The following CDKAL1 variants were observed in gnomAD, a reference collection of about 807,000 sequenced individuals.
CDKAL1 encodes CDKAL1 threonylcarbamoyladenosine tRNA methylthiotransferase.
A neutral mutation model predicts 68.2 loss-of-function variants in CDKAL1; 32 were observed. That is an observed-to-expected ratio of 0.47 (90% CI 0.35 to 0.63). The LOEUF (loss-of-function observed/expected upper bound fraction) is 0.63. CDKAL1 is among the 30% of genes least tolerant of loss of function. The pLI is 0.00. For missense variants in CDKAL1, 606 were observed against 696.7 expected, an observed-to-expected ratio of 0.87 and a Z score of 1.47; for synonymous variants, 234 against 244.3, an observed-to-expected ratio of 0.96 and a Z score of 0.39.
chr6:21,199,878 T>C (rs1025071005), intron 14 of CDKAL1, among the ~76,000 whole-genome samples: 1 of 152,276 alleles, frequency 6.6e-6, no homozygotes, highest in Admixed American at 6.5e-5. Context: ...TCTACTTTGA[T>C]GAAGCAGTGT....
intron 5 of CDKAL1, among the ~76,000 whole-genome samples, chr6:20,702,728 T>A (rs1581411352): frequency 6.6e-6 from 1 of 151,456 alleles, no homozygotes; most frequent in Non-Finnish European, 1.5e-5. Context: ...GGTCTCGGGG[T>A]TTTTATAGGC....
At chr6:20,767,998 T>A (rs1188546718) in intron 7 of CDKAL1, among the ~76,000 whole-genome samples, 3 of 152,218 alleles carry the variant, frequency 2.0e-5, no homozygotes, top group Non-Finnish European at 4.4e-5. Flanking sequence ...TATAACTAAG[T>A]ATGCACTGTA....
At chr6:20,965,409 C>G (rs1192731189) in intron 10 of CDKAL1, among the ~76,000 whole-genome samples, 1 of 95,942 alleles carries the variant, frequency 1.0e-5, no homozygotes, top group African/African-American at 4.4e-5. Flanking sequence ...CATTGAGACA[C>G]TGTATCGAGA....
At chr6:21,089,608 A>G (rs955235492) in intron 12 of CDKAL1, among the ~76,000 whole-genome samples, 2 of 152,234 alleles carry the variant, frequency 1.3e-5, no homozygotes, top group Non-Finnish European at 2.9e-5. Flanking sequence ...AATGTGAGTA[A>G]GGAGTAGCCT....
intron 9 of CDKAL1, among the ~76,000 whole-genome samples, chr6:20,889,513 T>C (rs1398127417): frequency 1.3e-5 from 2 of 152,162 alleles, no homozygotes; most frequent in Non-Finnish European, 2.9e-5. Flanking sequence ...AGGTCTAACA[T>C]GTAAGTCTTT....
chr6:20,783,890 A>G (rs1224562869), intron 8 of CDKAL1, among the ~76,000 whole-genome samples: 2 of 152,180 alleles, frequency 1.3e-5, no homozygotes, highest in Admixed American at 6.5e-5. Context: ...CAGATACAAC[A>G]TCTATGCATA....
chr6:20,790,171 C>T (rs1263583627), intron 8 of CDKAL1, among the ~76,000 whole-genome samples: 1 of 152,070 alleles, frequency 6.6e-6, no homozygotes, highest in African/African-American at 2.4e-5. Flanking sequence ...TTGAGAATCC[C>T]ATAGAAAAGC....
intron 5 of CDKAL1, among the ~76,000 whole-genome samples, chr6:20,694,379 C>T (rs1398159396): frequency 1.3e-5 from 2 of 152,002 alleles, no homozygotes; most frequent in African/African-American, 4.8e-5. Flanking sequence ...CAGTGTTCTA[C>T]TCTGGATCTA....
At chr6:20,951,656 T>A (rs6922187) in intron 9 of CDKAL1, among the ~76,000 whole-genome samples, 13,866 of 152,164 alleles carry the variant, frequency 0.091, 1,077 homozygotes, top group African/African-American at 0.22. Flanking sequence ...TGCTTTTCCT[T>A]TTACCAAAAT....
At chr6:20,689,616 G>C (rs1320851045) in intron 5 of CDKAL1, among the ~76,000 whole-genome samples, 1 of 152,154 alleles carries the variant, frequency 6.6e-6, no homozygotes, top group African/African-American at 2.4e-5. Context: ...GGGCAAAACT[G>C]TAATGTTCAT....
chr6:20,659,376 C>T (rs1361974471), intron 5 of CDKAL1, among the ~76,000 whole-genome samples: 1 of 152,100 alleles, frequency 6.6e-6, no homozygotes, highest in South Asian at 2.1e-4. Flanking sequence ...ATGTTAGTGG[C>T]AGATTCAGTG....
At chr6:20,608,117 TAGAAGTTTACTGAGGAA>T (rs530845762) in intron 4 of CDKAL1, among the ~76,000 whole-genome samples, 1 of 152,356 alleles carries the variant, frequency 6.6e-6, no homozygotes, top group South Asian at 2.1e-4. Flanking sequence ...TTTGGGTACA[TAGAAGTTTACTGAGGAA>T]AGAAGTTTAG....
At chr6:20,571,929 T>C (rs995551895) in intron 4 of CDKAL1, among the ~76,000 whole-genome samples, 2 of 152,144 alleles carry the variant, frequency 1.3e-5, no homozygotes, top group African/African-American at 4.8e-5. Flanking sequence ...GCCTTTATTC[T>C]GGAAAATTGA....
chr6:21,129,218 G>GA (rs201281999), intron 13 of CDKAL1, among the ~76,000 whole-genome samples: 7,666 of 151,476 alleles, frequency 0.051, 225 homozygotes, highest in East Asian at 0.11. Context: ...TAGATATCTG[G>GA]AAAAAAACAT....
chr6:21,158,469 G>A (rs1300911862), intron 13 of CDKAL1, among the ~76,000 whole-genome samples: 3 of 152,162 alleles, frequency 2.0e-5, no homozygotes, highest in Non-Finnish European at 4.4e-5. Flanking sequence ...GCCAGGGGGT[G>A]GGTTGGAGGG....
In CDKAL1 at chr6:20,600,470, G is replaced by A. The variant is rs367772438; in HGVS notation, c.287-48823G>A. Among the ~76,000 whole-genome samples, 23 of 151,958 alleles carry A rather than the reference G, an allele frequency of 1.5e-4. No individual in the cohort carries two copies. In the East Asian group the frequency reaches 2.1e-3, roughly 14 times the overall value. On this transcript the variant is annotated intron_variant, in intron 4 of 15. Coordinates refer to ENST00000274695, the MANE Select transcript of CDKAL1 (RefSeq NM_017774.3). Reference sequence around the variant, plus strand: ...GGAAGGGTTTTAGGCCCTTGAAGACGCCTCTGTATTTGAACAGTTTGATTC... The same window carrying A: ...GGAAGGGTTTTAGGCCCTTGAAGACACCTCTGTATTTGAACAGTTTGATTC...
chr6:20,895,450 A>G (rs1761630589), intron 9 of CDKAL1, among the ~76,000 whole-genome samples: 2 of 152,184 alleles, frequency 1.3e-5, no homozygotes, highest in African/African-American at 2.4e-5. Flanking sequence ...TACTTCTCTC[A>G]GTAGTGTATG....
chr6:20,802,982 T>C (rs1200329896), intron 8 of CDKAL1, among the ~76,000 whole-genome samples: 3 of 152,290 alleles, frequency 2.0e-5, no homozygotes, highest in South Asian at 4.2e-4. Flanking sequence ...TCAGGATTAT[T>C]TGGGGACAGT....
chr6:21,189,992 C>A (rs950246265), intron 13 of CDKAL1, among the ~76,000 whole-genome samples: 2 of 152,110 alleles, frequency 1.3e-5, no homozygotes, highest in African/African-American at 4.8e-5. Context: ...GTAATTACAG[C>A]GGTTCACTGG....
Sources: gnomAD v4.1 joint callset for allele counts (sites outside exome capture counted in the v4.1 genomes callset) on GRCh38, gnomAD v4.1.1 for gene constraint, MANE v1.5 for transcripts, NCBI Gene and HGNC (gene_info 2026-07-23, HGNC 2026-07-21) for gene names.